Variants in EHMT1 observed in about 807,000 individuals in gnomAD.
EHMT1 encodes histone-lysine N-methyltransferase EHMT1.
In EHMT1, 15 loss-of-function variants were observed where a neutral mutation model predicts 147.2. The observed-to-expected ratio is 0.10, with a 90% CI of 0.07 to 0.16. EHMT1 has a LOEUF of 0.16. Ranked by LOEUF, EHMT1 falls within the 10% of genes least tolerant of loss-of-function variation. The pLI is 1.00. For missense variants in EHMT1, 1,587 were observed against 1,772.4 expected, an observed-to-expected ratio of 0.90 and a Z score of 1.88; for synonymous variants, 795 against 709.6, an observed-to-expected ratio of 1.12 and a Z score of -1.91.
At chr9:137,687,680 A>G (rs1393833262) in intron 1 of EHMT1, among the ~76,000 whole-genome samples, 1 of 152,204 alleles carries the variant, frequency 6.6e-6, no homozygotes, top group Non-Finnish European at 1.5e-5. Context: ...TCACGCGAGG[A>G]CACGGCAAGA....
intron 12 of EHMT1, 79 bp from the exon 13 acceptor site, chr9:137,777,803 A>T: frequency 6.3e-7 from 1 of 1,584,442 alleles, no homozygotes; most frequent in South Asian, 1.1e-5. Context: ...CTTAGAAAAC[A>T]GCGCTCTCGG....
At chr9:137,784,291 G>C in intron 15 of EHMT1, 1 of 1,459,568 alleles carries the variant, frequency 6.9e-7, no homozygotes, top group Non-Finnish European at 9.1e-7. Flanking sequence ...GCCTTTCAGA[G>C]AGGCGTGGCT....
chr9:137,783,666 A>C (rs566702906), intron 15 of EHMT1, among the ~76,000 whole-genome samples: 1 of 152,284 alleles, frequency 6.6e-6, no homozygotes, highest in Non-Finnish European at 1.5e-5. Context: ...TGGGGCCCCC[A>C]GGCCCCACTG....
Position 137,775,884 on chromosome 9 carries a change from T to G in EHMT1, c.1791+632T>G, listed in dbSNP as rs182474858. ...TGTGGGCATCCTCGTGCATGTAGGG[T>G]GTGTGTGTGTGTGTGTCTGTGCGCG... is the stretch of plus-strand genomic sequence containing the variant. On this transcript the variant is annotated intron_variant, in intron 11 of 26. Transcript: ENST00000460843. This position sits in a 1 kb window ranked among gnomAD's most constrained non-coding sequence, Gnocchi z 6.1. Among the ~76,000 whole-genome samples, 8,145 of 149,126 alleles carry G rather than the reference T, an allele frequency of 0.055. 277 individuals carry two copies. The highest frequency in any genetic ancestry group is 0.15 in the South Asian group (690 of 4,700).
At chr9:137,706,864 C>T (rs1944311405) in intron 1 of EHMT1, among the ~76,000 whole-genome samples, 1 of 151,928 alleles carries the variant, frequency 6.6e-6, no homozygotes, top group East Asian at 1.9e-4. Flanking sequence ...CTCTTTTGCC[C>T]AGGCTGGAGT....
Position 137,752,425 on chromosome 9 carries a change from C to T in EHMT1, c.1248+17C>T. On this transcript the variant is annotated intron_variant, in intron 7 of 26. Transcript: ENST00000460843. ...TCTGACCTGGTAATGCCCAGCGCCTCCTCCTGCGTCTGTGCTGATGTAGAG... is the reference window on the plus strand; with the variant it reads ...TCTGACCTGGTAATGCCCAGCGCCTTCTCCTGCGTCTGTGCTGATGTAGAG... The T allele has an allele frequency of 2.5e-6, 4 of 1,611,572 alleles. No homozygotes were observed. Among genetic ancestry groups the T allele is most frequent in the Non-Finnish European group, 3.4e-6 (4 of 1,178,978 alleles).
At chr9:137,780,475 G>A (rs1299308079) in intron 14 of EHMT1, among the ~76,000 whole-genome samples, 2 of 126,610 alleles carry the variant, frequency 1.6e-5, no homozygotes, top group Non-Finnish European at 3.3e-5. Flanking sequence ...TGGTGATGAC[G>A]CTGAGACGTG....
chr9:137,742,243 G>C lies in EHMT1; in HGVS notation c.824-1128G>C, dbSNP rs181975865. Among the ~76,000 whole-genome samples the C allele has an allele frequency of 2.5e-3, 377 of 151,232 alleles. 2 individuals are homozygous for C. Among genetic ancestry groups the C allele is most frequent in the African/African-American group, 8.9e-3 (368 of 41,138 alleles). On this transcript the variant is annotated intron_variant, in intron 4 of 26. Transcript: ENST00000460843. Reference sequence around the variant, plus strand: ...TACCCGCTTTGGATGGTTCTCACTCGTTCACGTCCCTCCAACTGTTGCTTC... The same window carrying C: ...TACCCGCTTTGGATGGTTCTCACTCCTTCACGTCCCTCCAACTGTTGCTTC...
At position 137,762,451 on chromosome 9, in the gene EHMT1, C is replaced by A. The variant is rs185731393; in HGVS notation, c.1502-224C>A. ...ACAGGTTAATAGGTGCCTCTTGAGA[C>A]CCTGTCAGGGGGTTTGTTAGCTGGG... On this transcript the variant is annotated intron_variant, in intron 9 of 26. Coordinates refer to ENST00000460843, the MANE Select transcript of EHMT1 (RefSeq NM_024757.5). Among the ~76,000 whole-genome samples the A allele has an allele frequency of 2.0e-4, 31 of 152,280 alleles. No individual in the cohort carries two copies. In the East Asian group the frequency reaches 5.8e-3, roughly 28 times the overall value.
chr9:137,793,494 T>C (rs1952678193), intron 16 of EHMT1, among the ~76,000 whole-genome samples: 1 of 152,204 alleles, frequency 6.6e-6, no homozygotes, highest in Non-Finnish European at 1.5e-5. Flanking sequence ...GTTCCTCAGA[T>C]CGCTAAGCAT....
rs1951973600 is a variant in EHMT1, at chr9:137,786,458, C to T, written c.2382+4061C>T. ...GGTTTCAGCATCTGCAGGGGTGTCTCACATCTCACACACACTCTTTGGGCA... is the reference window on the plus strand; with the variant it reads ...GGTTTCAGCATCTGCAGGGGTGTCTTACATCTCACACACACTCTTTGGGCA... On this transcript the variant is annotated intron_variant, in intron 15 of 26. Coordinates refer to ENST00000460843, the MANE Select transcript of EHMT1 (RefSeq NM_024757.5). The surrounding 1 kb of genome is among the most constrained non-coding windows in gnomAD (Gnocchi z 4.3). 6.6e-6 allele frequency: 1 copy of T among 152,390 alleles called. No individual in the cohort carries two copies. 9.4% of individuals were successfully genotyped at this position (152,390 alleles called of 1,614,324 possible).
At chr9:137,805,480 T>A (rs571491604) in intron 18 of EHMT1, among the ~76,000 whole-genome samples, 2 of 152,270 alleles carry the variant, frequency 1.3e-5, no homozygotes, top group Non-Finnish European at 2.9e-5. Context: ...TTTTGATGCA[T>A]TGATCTGCAT....
chr9:137,729,764 G>A (rs1285173080), intron 4 of EHMT1, among the ~76,000 whole-genome samples: 1 of 151,466 alleles, frequency 6.6e-6, no homozygotes, highest in Non-Finnish European at 1.5e-5. Context: ...TAAACATTGT[G>A]CCCTTTTATC....
chr9:137,777,022 C>T (rs1228199273), intron 12 of EHMT1, 178 bp downstream of exon 12: 11 of 668,484 alleles, frequency 1.6e-5, no homozygotes, highest in South Asian at 7.6e-5. Context: ...TTTGTGCATA[C>T]GTTGCTCTCT....
intron 14 of EHMT1, 76 bp downstream of exon 14, chr9:137,779,793 C>T (rs1588664407): frequency 6.6e-7 from 1 of 1,512,744 alleles, no homozygotes; most frequent in Non-Finnish European, 9.1e-7. Flanking sequence ...AGTTGTTACT[C>T]CTTCCTCAGG....
chr9:137,759,813 A>G (rs1949666406), intron 9 of EHMT1, among the ~76,000 whole-genome samples: 1 of 152,166 alleles, frequency 6.6e-6, no homozygotes, highest in Admixed American at 6.5e-5. Context: ...GTGGCGCTGG[A>G]TGGCGTCTGG....
At chr9:137,722,283 T>C (rs1946137915) in intron 3 of EHMT1, among the ~76,000 whole-genome samples, 1 of 152,274 alleles carries the variant, frequency 6.6e-6, no homozygotes, top group African/African-American at 2.4e-5. Flanking sequence ...TAGAAAATTC[T>C]CTGACCATGA....
At position 137,776,599 on chromosome 9, in the gene EHMT1, T is replaced by C; in HGVS notation, c.1792-19T>C. The C allele has an allele frequency of 6.2e-7, 1 of 1,613,776 alleles. No individual in the cohort carries two copies. The highest frequency in any genetic ancestry group is 8.5e-7 in the Non-Finnish European group (1 of 1,179,924). On this transcript the variant is annotated intron_variant, in intron 11 of 26. Coordinates refer to ENST00000460843, the MANE Select transcript of EHMT1 (RefSeq NM_024757.5). The surrounding 1 kb of genome is among the most constrained non-coding windows in gnomAD (Gnocchi z 4.4). The stretch of plus-strand genomic sequence containing the variant: ...ACCCCAATTAAAACAAAAATTTTTT[T>C]TTGTCCTCCCATTTTTAGGGTAATT...
At chr9:137,774,065 G>A (rs1472398961) in intron 10 of EHMT1, among the ~76,000 whole-genome samples, 2 of 152,190 alleles carry the variant, frequency 1.3e-5, no homozygotes, top group African/African-American at 2.4e-5. Context: ...CAGACTCTGT[G>A]TCCTGCTCCT....
Sources: gnomAD v4.1 joint callset for allele counts (sites outside exome capture counted in the v4.1 genomes callset) on GRCh38, gnomAD v4.1.1 for gene constraint, Gnocchi (gnomAD v3.1) non-coding constraint, MANE v1.5 for transcripts, NCBI Gene and HGNC (gene_info 2026-07-23, HGNC 2026-07-21) for gene names.